TMEM255A: variants seen among roughly 807,000 people sequenced by gnomAD.
TMEM255A encodes the protein family with sequence similarity 70, member A.
A neutral mutation model predicts 23.5 loss-of-function variants in TMEM255A; 14 were observed. The ratio of observed to expected loss-of-function variants is 0.60; its 90% CI spans 0.39 to 0.93. The LOEUF is 0.93. Among genes scored for constraint, TMEM255A ranks in the 40% least tolerant of loss-of-function variants. TMEM255A has a pLI of 0.00. For synonymous variants in TMEM255A, 104 were observed against 100.3 expected, an observed-to-expected ratio of 1.04 and a Z score of -0.22; for missense variants, 233 against 261.7, an observed-to-expected ratio of 0.89 and a Z score of 0.76.
At chrX:120,263,997 A>G (rs2057698755) in intron 8 of TMEM255A, among the ~76,000 whole-genome samples, 1 of 111,665 alleles carries the variant, frequency 9.0e-6, no homozygotes, top group African/African-American at 3.3e-5. Context: ...TTAAATAAAG[A>G]GGAAAAATAG....
intron 2 of TMEM255A, among the ~76,000 whole-genome samples, chrX:120,294,433 CAAA>C (rs782219332): frequency 2.2e-5 from 1 of 44,981 alleles, no homozygotes; most frequent in Admixed American, 2.9e-4. Flanking sequence ...GACTCCGTCT[CAAA>C]AAAAAAAAAA....
At chrX:120,311,194 G>A in intron 1 of TMEM255A, 58 bp downstream of exon 1, 1 of 1,045,521 alleles carries the variant, frequency 9.6e-7, no homozygotes, top group East Asian at 3.3e-5. Context: ...TCACAGTCCA[G>A]AGGCCAGGGC....
downstream of TMEM255A, chrX:120,257,454 G>A (rs1274296294): frequency 2.4e-5 from 3 of 122,699 alleles, no homozygotes; most frequent in Non-Finnish European, 5.7e-5. Flanking sequence ...AATAAAACTT[G>A]GCAGATTCTA....
chrX:120,308,876 C>A (rs1199140880), intron 1 of TMEM255A, among the ~76,000 whole-genome samples: 1 of 112,970 alleles, frequency 8.9e-6, no homozygotes, highest in Non-Finnish European at 1.9e-5. Context: ...AGGCAGCCAG[C>A]AAGCGTAGAG....
At chrX:120,290,796 G>A (rs1216827062) in intron 4 of TMEM255A, among the ~76,000 whole-genome samples, 1 of 111,698 alleles carries the variant, frequency 9.0e-6, no homozygotes, top group Non-Finnish European at 1.9e-5. Flanking sequence ...TCCTTGCCCA[G>A]GAATTGTTTC....
intron 2 of TMEM255A, among the ~76,000 whole-genome samples, chrX:120,300,810 G>A (rs1439896209): frequency 9.1e-6 from 1 of 109,688 alleles, no homozygotes; most frequent in Non-Finnish European, 1.9e-5. Context: ...AACCTCCTGA[G>A]CTCAAGAGAT....
downstream of TMEM255A, chrX:120,258,327 C>G (rs1233871435): frequency 8.1e-6 from 1 of 123,543 alleles, no homozygotes; most frequent in Non-Finnish European, 1.9e-5. Context: ...TTAAGTTCTA[C>G]TTTTCATTAA....
intron 8 of TMEM255A, among the ~76,000 whole-genome samples, chrX:120,268,034 G>T (rs782037870): frequency 5.4e-5 from 6 of 110,929 alleles, no homozygotes; most frequent in Middle Eastern, 4.6e-3. Flanking sequence ...CTTCTCTTGC[G>T]CAGCTTCCAC....
intron 6 of TMEM255A, among the ~76,000 whole-genome samples, chrX:120,284,517 C>T (rs369079056): frequency 1.9e-5 from 2 of 107,270 alleles, no homozygotes; most frequent in East Asian, 3.0e-4. Context: ...ATACAGTGTG[C>T]GTGCATGTGC....
chrX:120,270,285 GA>G, intron 7 of TMEM255A, among the ~76,000 whole-genome samples: 1 of 108,739 alleles, frequency 9.2e-6, no homozygotes, highest in East Asian at 2.8e-4. Context: ...GCACGTATAG[GA>G]GTGTGTGTTT....
At chrX:120,268,625 T>A (rs1296269714) in intron 7 of TMEM255A, among the ~76,000 whole-genome samples, 2 of 112,041 alleles carry the variant, frequency 1.8e-5, no homozygotes, top group Non-Finnish European at 3.8e-5. Flanking sequence ...TATACATGTA[T>A]GTATGTTTGT....
At chrX:120,298,934 A>G (rs1434379597) in intron 2 of TMEM255A, among the ~76,000 whole-genome samples, 6 of 110,576 alleles carry the variant, frequency 5.4e-5, no homozygotes, top group African/African-American at 2.0e-4. Context: ...GGCATGAGGA[A>G]AAAATGTTAT....
At chrX:120,287,308 T>TACACACACACACACAC (rs3842485) in intron 4 of TMEM255A, 86 bp from the exon 5 acceptor site, 48,881 of 431,795 alleles carry the variant, frequency 0.11, 2,425 homozygotes, top group East Asian at 0.19. Flanking sequence ...AAGGTTTGAA[T>TACACACACACACACAC]ACACACACAC....
intron 3 of TMEM255A, among the ~76,000 whole-genome samples, chrX:120,292,063 A>G (rs1556023096): frequency 9.0e-6 from 1 of 111,305 alleles, no homozygotes; most frequent in East Asian, 2.8e-4. Flanking sequence ...AGTGGTCTCA[A>G]ACTCCTGAGA....
intron 2 of TMEM255A, among the ~76,000 whole-genome samples, chrX:120,294,433 CA>C (rs782219332): frequency 0.051 from 2,295 of 44,923 alleles, 67 homozygotes; most frequent in African/African-American, 0.14. Context: ...GACTCCGTCT[CA>C]AAAAAAAAAA....
At chrX:120,262,669 C>G (rs1407479478) in intron 8 of TMEM255A, among the ~76,000 whole-genome samples, 1 of 111,990 alleles carries the variant, frequency 8.9e-6, no homozygotes, top group Non-Finnish European at 1.9e-5. Flanking sequence ...TGTTCTGTTG[C>G]TTTCCTCAAC....
chrX:120,292,300 A>G (rs2057921091), intron 3 of TMEM255A, among the ~76,000 whole-genome samples: 1 of 112,046 alleles, frequency 8.9e-6, no homozygotes, highest in African/African-American at 3.2e-5. Context: ...AGGAATTTCA[A>G]GGCTTTTCCA....
intron 7 of TMEM255A, among the ~76,000 whole-genome samples, chrX:120,271,332 TG>T (rs1297656939): frequency 8.9e-6 from 1 of 112,154 alleles, no homozygotes; most frequent in African/African-American, 3.2e-5. Flanking sequence ...GTCCCAGTTC[TG>T]CTACTCAGCT....
chrX:120,300,018 C>T (rs1367867052), intron 2 of TMEM255A, among the ~76,000 whole-genome samples: 1 of 112,028 alleles, frequency 8.9e-6, no homozygotes, highest in East Asian at 2.8e-4. Context: ...GCTCTCTTTC[C>T]TGAAAGAAGA....
Sources: allele counts gnomAD v4.1 joint callset (sites outside exome capture counted in the v4.1 genomes callset), GRCh38; gene constraint gnomAD v4.1.1; transcripts MANE v1.5; gene names NCBI Gene and HGNC (gene_info 2026-07-23, HGNC 2026-07-21).